CERS6: variants seen among roughly 807,000 people sequenced by gnomAD.
CERS6 encodes the protein ceramide synthase 6, also known as LAG1 homolog, ceramide synthase 6.
Under a neutral mutation model 56.8 loss-of-function variants are expected in CERS6, and 26 were observed. That is an observed-to-expected ratio of 0.46 (90% CI 0.34 to 0.63). The LOEUF is 0.63. CERS6 is among the 30% of genes least tolerant of loss of function. CERS6 has a pLI of 0.01. For missense variants in CERS6, 415 were observed against 467.5 expected (o/e 0.89, Z 1.04); for synonymous variants, 164 against 173.3 (o/e 0.95, Z 0.42).
chr2:168,604,241 G>A (rs1217947037), intron 3 of CERS6, among the ~76,000 whole-genome samples: 1 of 152,188 alleles, frequency 6.6e-6, no homozygotes, highest in Non-Finnish European at 1.5e-5. Context: ...TTCCACTGTA[G>A]GTTTTAGCTA....
In CERS6 at chr2:168,741,007, G is replaced by GA. The variant is rs199695217; in HGVS notation, c.845+23030dup. 7.4e-3 allele frequency among the ~76,000 whole-genome samples: 1,130 copies of GA among 152,272 alleles called. 19 individuals are homozygous for GA. Among genetic ancestry groups the GA allele is most frequent in the African/African-American group, 0.026 (1,076 of 41,550 alleles). Reference sequence around the variant, plus strand: ...GGGATGGGTAAAGGAGATAGAGGTAGAGAGAGTGATGCTGCAGTTTTGACT... The same window carrying GA: ...GGGATGGGTAAAGGAGATAGAGGTAGAAGAGAGTGATGCTGCAGTTTTGACT... On this transcript the variant is annotated intron_variant, in intron 8 of 9. Coordinates refer to ENST00000305747, the MANE Select transcript of CERS6 (RefSeq NM_203463.3).
At chr2:168,557,267 A>G (rs938083211) in intron 2 of CERS6, among the ~76,000 whole-genome samples, 3 of 152,220 alleles carry the variant, frequency 2.0e-5, no homozygotes, top group African/African-American at 7.2e-5. Context: ...TATGTGCAAG[A>G]CCTGGATGAG....
intron 3 of CERS6, among the ~76,000 whole-genome samples, chr2:168,629,682 A>G (rs1440896362): frequency 6.6e-6 from 1 of 152,246 alleles, no homozygotes; most frequent in East Asian, 1.9e-4. Flanking sequence ...TGCCTAAGTC[A>G]CACACCCATG....
At chr2:168,727,434 A>C (rs746497109) in intron 8 of CERS6, among the ~76,000 whole-genome samples, 4 of 152,026 alleles carry the variant, frequency 2.6e-5, no homozygotes, top group Non-Finnish European at 4.4e-5. Flanking sequence ...CTGTAGTCCC[A>C]GCTACTCAGG....
intron 1 of CERS6, among the ~76,000 whole-genome samples, chr2:168,533,228 G>A (rs1042090143): frequency 3.3e-5 from 5 of 152,008 alleles, no homozygotes; most frequent in African/African-American, 1.2e-4. Context: ...TTCTTTTTTT[G>A]TTGTGTCTCT....
intron 3 of CERS6, among the ~76,000 whole-genome samples, chr2:168,609,012 C>G (rs890241739): frequency 3.3e-5 from 5 of 152,212 alleles, no homozygotes; most frequent in Non-Finnish European, 7.3e-5. Context: ...ATTTTGGATA[C>G]CCACACAATG....
chr2:168,757,376 A>G (rs1379659377), intron 8 of CERS6, among the ~76,000 whole-genome samples: 7 of 143,794 alleles, frequency 4.9e-5, no homozygotes, highest in Non-Finnish European at 8.9e-5. Context: ...AAAAAAAAAC[A>G]TCTGCCCCAG....
At chr2:168,523,118 G>A (rs1695011198) in intron 1 of CERS6, among the ~76,000 whole-genome samples, 1 of 152,160 alleles carries the variant, frequency 6.6e-6, no homozygotes, top group African/African-American at 2.4e-5. Flanking sequence ...TTCTGGTTTT[G>A]CTGCACTAGC....
chr2:168,630,594 A>G (rs927576499), intron 3 of CERS6, among the ~76,000 whole-genome samples: 13 of 152,158 alleles, frequency 8.5e-5, no homozygotes, highest in African/African-American at 3.1e-4. Context: ...TTTAAAACAA[A>G]TATGAACTTC....
intron 8 of CERS6, among the ~76,000 whole-genome samples, chr2:168,759,757 A>G (rs1460499041): frequency 6.6e-6 from 1 of 152,238 alleles, no homozygotes; most frequent in East Asian, 1.9e-4. Context: ...TATGCAGAAC[A>G]GTTTACAACT....
intron 8 of CERS6, among the ~76,000 whole-genome samples, chr2:168,721,660 C>A (rs1231906548): frequency 6.7e-6 from 1 of 148,616 alleles, no homozygotes; most frequent in African/African-American, 2.5e-5. Context: ...GCTCTGTTGG[C>A]CAGGCTGGGC....
At position 168,724,597 on chromosome 2, in the gene CERS6, T is replaced by C. The variant is rs547410973; in HGVS notation, c.845+6619T>C. ...AGATTAGCTAGATACAGAGTGCCGA[T>C]TGGTGTATTTACAATCCCTGAGCTA... On this transcript the variant is annotated intron_variant, in intron 8 of 9. Coordinates refer to ENST00000305747, the MANE Select transcript of CERS6 (RefSeq NM_203463.3). 1.1e-4 allele frequency among the ~76,000 whole-genome samples: 17 copies of C among 151,578 alleles called. No homozygotes were observed. In the South Asian group the frequency reaches 2.9e-3, roughly 26 times the overall value.
At chr2:168,721,122 G>A (rs181162343) in intron 8 of CERS6, among the ~76,000 whole-genome samples, 33 of 152,118 alleles carry the variant, frequency 2.2e-4, no homozygotes, top group African/African-American at 7.5e-4. Flanking sequence ...TTCTTCCCTC[G>A]TACCATCCCC....
At chr2:168,553,138 A>G (rs1338631055) in intron 2 of CERS6, among the ~76,000 whole-genome samples, 1 of 152,136 alleles carries the variant, frequency 6.6e-6, no homozygotes, top group African/African-American at 2.4e-5. Flanking sequence ...AACACTAGTC[A>G]CTGCAGAAAA....
chr2:168,743,706 A>C (rs1275661459), intron 8 of CERS6, among the ~76,000 whole-genome samples: 1 of 152,164 alleles, frequency 6.6e-6, no homozygotes, highest in East Asian at 1.9e-4. Context: ...GTTAAGTAAA[A>C]GTCTGTAATC....
At chr2:168,768,075 C>T (rs1481835758) in intron 9 of CERS6, among the ~76,000 whole-genome samples, 2 of 152,162 alleles carry the variant, frequency 1.3e-5, no homozygotes, top group African/African-American at 2.4e-5. Flanking sequence ...CCCCCAAAAA[C>T]TACTTCCTTG....
intron 3 of CERS6, among the ~76,000 whole-genome samples, chr2:168,586,735 T>A (rs1006035179): frequency 1.3e-5 from 2 of 152,132 alleles, no homozygotes; most frequent in Non-Finnish European, 1.5e-5. Flanking sequence ...CCTGAGGAAA[T>A]CCCTTAATTT....
chr2:168,618,190 G>T (rs911138548), intron 3 of CERS6, among the ~76,000 whole-genome samples: 1 of 152,178 alleles, frequency 6.6e-6, no homozygotes, highest in African/African-American at 2.4e-5. Context: ...ATGGCTTTAT[G>T]TTTAAAACCC....
chr2:168,486,813 C>T (rs1204263060), intron 1 of CERS6, among the ~76,000 whole-genome samples: 1 of 152,158 alleles, frequency 6.6e-6, no homozygotes, highest in East Asian at 1.9e-4. Flanking sequence ...TTTCACTCCT[C>T]CAAACATTCC....
Sources: gnomAD v4.1 joint callset for allele counts (sites outside exome capture counted in the v4.1 genomes callset) on GRCh38, gnomAD v4.1.1 for gene constraint, MANE v1.5 for transcripts, NCBI Gene and HGNC (gene_info 2026-07-23, HGNC 2026-07-21) for gene names.